Variants in SLC8A1 observed in about 807,000 individuals in gnomAD.
SLC8A1 encodes the protein sodium/calcium exchanger 1.
In SLC8A1, 18 loss-of-function variants were observed where a neutral mutation model predicts 68.3. The ratio of observed to expected loss-of-function variants is 0.26; its 90% CI spans 0.18 to 0.39. SLC8A1 has a LOEUF of 0.39. Ranked by LOEUF, SLC8A1 falls within the 10% of genes least tolerant of loss-of-function variation. The pLI, the probability that SLC8A1 is intolerant of heterozygous loss-of-function variation, is 1.00. For synonymous variants in SLC8A1, 475 were observed against 415.5 expected (o/e 1.14, Z -1.74); for missense variants, 985 against 1,156.7 (o/e 0.85, Z 2.15).
intron 7 of SLC8A1, among the ~76,000 whole-genome samples, chr2:40,133,074 T>C (rs956621540): frequency 1.3e-5 from 2 of 152,188 alleles, no homozygotes; most frequent in African/African-American, 4.8e-5. Context: ...CTTGAAAAGT[T>C]TGTTTGAATT....
intron 2 of SLC8A1, among the ~76,000 whole-genome samples, chr2:40,239,941 A>G (rs934500827): frequency 1.3e-5 from 2 of 152,192 alleles, no homozygotes; most frequent in Non-Finnish European, 1.5e-5. Flanking sequence ...AGTTTTCTCA[A>G]TTTGTAACCA....
intron 2 of SLC8A1, among the ~76,000 whole-genome samples, chr2:40,335,590 A>G (rs1665699273): frequency 6.6e-6 from 1 of 152,272 alleles, no homozygotes; most frequent in African/African-American, 2.4e-5. Flanking sequence ...ATTTTTAAAA[A>G]TCATGTGAAT....
intron 1 of SLC8A1, among the ~76,000 whole-genome samples, chr2:40,465,191 G>A (rs905297954): frequency 6.6e-6 from 1 of 152,120 alleles, no homozygotes; most frequent in Non-Finnish European, 1.5e-5. Flanking sequence ...TATTTGACTA[G>A]AGCCAGGGAT....
At chr2:40,141,941 C>A (rs1470832882) in intron 6 of SLC8A1, among the ~76,000 whole-genome samples, 2 of 151,972 alleles carry the variant, frequency 1.3e-5, no homozygotes, top group Non-Finnish European at 2.9e-5. Flanking sequence ...GGAGATTGGC[C>A]TCAGGAGAAA....
rs544048097 is a variant in SLC8A1 at position 40,370,855 on chromosome 2, T to C, written c.1808+57618A>G. On this transcript the variant is annotated intron_variant, in intron 2 of 7. Transcript: ENST00000406785. ...TACAAATAAGGAAATTGAAGGTTTA[T>C]TGAAGTAACTGGAGACACTGAGAAA... Among the ~76,000 whole-genome samples the C allele has an allele frequency of 8.5e-5, 13 of 152,200 alleles. No homozygotes were observed. The East Asian group carries it at 2.1e-3, about 25-fold the overall frequency.
At chr2:40,174,600 A>G (rs936427720) in intron 4 of SLC8A1, 106 bp downstream of exon 6, 33 of 1,023,798 alleles carry the variant, frequency 3.2e-5, no homozygotes, top group Non-Finnish European at 4.4e-5. Flanking sequence ...AGAGCACACC[A>G]TGTGCCACAG....
intron 1 of SLC8A1, among the ~76,000 whole-genome samples, chr2:40,498,332 G>T (rs1705842926): frequency 6.6e-6 from 1 of 152,034 alleles, no homozygotes; most frequent in Admixed American, 6.6e-5. Flanking sequence ...CAGACATTTT[G>T]CAAAAGTAAA....
chr2:40,253,260 T>C (rs189786658), intron 2 of SLC8A1, among the ~76,000 whole-genome samples: 1 of 150,634 alleles, frequency 6.6e-6, no homozygotes, highest in Admixed American at 6.6e-5. Context: ...TATGTATACA[T>C]ATATACATGT....
intron 2 of SLC8A1, among the ~76,000 whole-genome samples, chr2:40,203,344 G>A (rs959505256): frequency 6.6e-6 from 1 of 152,018 alleles, no homozygotes; most frequent in Non-Finnish European, 1.5e-5. Flanking sequence ...AACAGCTAAA[G>A]AACTTTGTTG....
intron 7 of SLC8A1, among the ~76,000 whole-genome samples, chr2:40,117,272 C>T (rs1218785622): frequency 4.6e-5 from 7 of 151,474 alleles, no homozygotes; most frequent in Admixed American, 6.6e-5. Flanking sequence ...TGGCTGGGCA[C>T]GGTAGCTCAT....
intron 2 of SLC8A1, among the ~76,000 whole-genome samples, chr2:40,241,730 C>G (rs2061249833): frequency 6.6e-6 from 1 of 152,134 alleles, no homozygotes; most frequent in Non-Finnish European, 1.5e-5. Context: ...ACTGAATCCT[C>G]TACTTTAGAA....
At chr2:40,411,602 A>C (rs1430175260) in intron 2 of SLC8A1, among the ~76,000 whole-genome samples, 1 of 152,044 alleles carries the variant, frequency 6.6e-6, no homozygotes, top group Non-Finnish European at 1.5e-5. Context: ...ACCTGAAAAA[A>C]CAAAAACAAT....
chr2:40,409,532 A>T (rs1398813730), intron 2 of SLC8A1, among the ~76,000 whole-genome samples: 1 of 152,182 alleles, frequency 6.6e-6, no homozygotes, highest in African/African-American at 2.4e-5. Flanking sequence ...GCTTCCATTT[A>T]TCAAGAGCAG....
chr2:40,194,509 G>C (rs113025933), intron 2 of SLC8A1, among the ~76,000 whole-genome samples: 6 of 99,078 alleles, frequency 6.1e-5, no homozygotes, highest in Non-Finnish European at 1.3e-4. Flanking sequence ...GTGTGTGTGC[G>C]CGCGCAAAGA....
At chr2:40,507,644 T>C (rs1343659535) in intron 1 of SLC8A1, among the ~76,000 whole-genome samples, 3 of 152,094 alleles carry the variant, frequency 2.0e-5, no homozygotes. Flanking sequence ...CTTCAAATCC[T>C]ACTTCCTCTT....
intron 2 of SLC8A1, among the ~76,000 whole-genome samples, chr2:40,307,142 G>T (rs916204123): frequency 9.2e-6 from 1 of 108,158 alleles, no homozygotes. Context: ...AAGAAAATGT[G>T]ATATACACAC....
chr2:40,405,926 T>G (rs898554266), intron 2 of SLC8A1, among the ~76,000 whole-genome samples: 1 of 152,224 alleles, frequency 6.6e-6, no homozygotes, highest in African/African-American at 2.4e-5. Context: ...ATGATTAGCA[T>G]GACTTTGAAA....
intron 2 of SLC8A1, among the ~76,000 whole-genome samples, chr2:40,241,409 G>A (rs955777495): frequency 1.3e-5 from 2 of 152,086 alleles, no homozygotes; most frequent in Admixed American, 6.6e-5. Flanking sequence ...CCTGAATGAC[G>A]AGATCCACAC....
At chr2:40,386,564 C>A (rs1208988032) in intron 2 of SLC8A1, among the ~76,000 whole-genome samples, 1 of 77,402 alleles carries the variant, frequency 1.3e-5, no homozygotes, top group Non-Finnish European at 3.6e-5. Context: ...TGGGACTACC[C>A]TTTTATGATA....
Sources: gnomAD v4.1 joint callset for allele counts (sites outside exome capture counted in the v4.1 genomes callset) on GRCh38, gnomAD v4.1.1 for gene constraint, MANE v1.5 for transcripts, NCBI Gene and HGNC (gene_info 2026-07-23, HGNC 2026-07-21) for gene names.